POU2F2: variants seen among roughly 807,000 people sequenced by gnomAD.
The protein encoded by POU2F2 is POU class 2 homeobox 2, also known as POU domain, class 2, transcription factor 2.
Under a neutral mutation model 63.5 loss-of-function variants are expected in POU2F2, and 14 were observed. The ratio of observed to expected loss-of-function variants is 0.22; its 90% CI spans 0.15 to 0.34. The LOEUF (loss-of-function observed/expected upper bound fraction) is 0.34. POU2F2 is among the 10% of genes least tolerant of loss of function. The pLI, the probability that POU2F2 is intolerant of heterozygous loss-of-function variation, is 1.00. For synonymous variants in POU2F2, 306 were observed against 348.6 expected, an observed-to-expected ratio of 0.88 and a Z score of 1.36; for missense variants, 607 against 815.2, an observed-to-expected ratio of 0.74 and a Z score of 3.11.
At chr19:42,091,988 C>A in intron 13 of POU2F2, 48 bp from the exon 14 acceptor site, 1 of 1,535,952 alleles carries the variant, frequency 6.5e-7, no homozygotes. Flanking sequence ...GACCTGCCAA[C>A]ATAACTGGGG....
At chr19:42,140,275 A>G (rs935111659) in intron 2 of POU2F2, among the ~76,000 whole-genome samples, 2 of 152,028 alleles carry the variant, frequency 1.3e-5, no homozygotes, top group Non-Finnish European at 2.9e-5. Context: ...TCTAGCTCCC[A>G]CTGGGCGCAG....
intron 5 of POU2F2, among the ~76,000 whole-genome samples, chr19:42,107,362 A>T (rs879868350): frequency 4.4e-4 from 67 of 152,148 alleles, no homozygotes; most frequent in Admixed American, 2.2e-3. Flanking sequence ...CTCAAAAAAA[A>T]TTAATTAATT....
chr19:42,149,897 C>G (rs182995676), intron 2 of POU2F2, among the ~76,000 whole-genome samples: 1 of 152,314 alleles, frequency 6.6e-6, no homozygotes, highest in Admixed American at 6.5e-5. Context: ...GCTCCCGGCC[C>G]TCTCTCTTTT....
chr19:42,110,689 G>A, intron 5 of POU2F2: 1 of 455,718 alleles, frequency 2.2e-6, no homozygotes, highest in Non-Finnish European at 4.4e-6. Flanking sequence ...CACACCTCAG[G>A]CCGTTCCTTA....
In POU2F2 at chr19:42,087,594, AT is replaced by A. The variant is rs1171600840; in HGVS notation, c.*3662del. The A allele has an allele frequency of 0.1, 11,825 of 116,140 alleles. 700 individuals carry two copies. The highest frequency in any genetic ancestry group is 0.18 in the Middle Eastern group (38 of 206). 7.2% of individuals were successfully genotyped at this position (116,140 alleles called of 1,614,324 possible). A position where few individuals can be genotyped will look rare whatever the true frequency, so the allele number is the denominator to read the frequency against. ...AGAGGTGGTTTAGTTACTGGCATCA[AT>A]TTTTTTTTTTTTTTTTTTGGCACAA... is the stretch of plus-strand genomic sequence containing the variant. On this transcript the variant is annotated 3_prime_UTR_variant, in exon 15 of 15. Coordinates refer to ENST00000692977, the MANE Select transcript of POU2F2 (RefSeq NM_001394376.1).
At chr19:42,147,221 C>A (rs1027626480) in intron 2 of POU2F2, among the ~76,000 whole-genome samples, 1 of 152,178 alleles carries the variant, frequency 6.6e-6, no homozygotes, top group Non-Finnish European at 1.5e-5. Flanking sequence ...CCATCACTCA[C>A]CTCTTTGCCT....
At chr19:42,115,193 C>T (rs998361471) in intron 5 of POU2F2, among the ~76,000 whole-genome samples, 14 of 152,006 alleles carry the variant, frequency 9.2e-5, no homozygotes, top group Admixed American at 3.9e-4. Context: ...CGGAGCCATG[C>T]GCCCAGTTTA....
At chr19:42,158,110 G>C (rs2034490671) in intron 2 of POU2F2, among the ~76,000 whole-genome samples, 1 of 152,192 alleles carries the variant, frequency 6.6e-6, no homozygotes, top group Admixed American at 6.5e-5. Flanking sequence ...AAAGAGTATG[G>C]CTTCCTTCAA....
chr19:42,188,134 G>T (rs1050140269), intron 1 of POU2F2, among the ~76,000 whole-genome samples: 2 of 152,104 alleles, frequency 1.3e-5, no homozygotes, highest in African/African-American at 4.8e-5. Context: ...GGAGACCAAG[G>T]CAGGCAGATC....
intron 2 of POU2F2, among the ~76,000 whole-genome samples, chr19:42,151,530 C>T (rs1344678222): frequency 6.6e-6 from 1 of 152,142 alleles, no homozygotes; most frequent in East Asian, 1.9e-4. Flanking sequence ...CCTGCTCTCA[C>T]CCTCTGGATG....
intron 1 of POU2F2, among the ~76,000 whole-genome samples, chr19:42,188,653 G>A (rs1406396437): frequency 7.2e-6 from 1 of 139,358 alleles, no homozygotes; most frequent in African/African-American, 2.7e-5. Flanking sequence ...CCTGGGGGAC[G>A]AGAGAGAGTT....
chr19:42,187,510 C>T (rs2035025828), intron 1 of POU2F2, among the ~76,000 whole-genome samples: 1 of 150,006 alleles, frequency 6.7e-6, no homozygotes, highest in Admixed American at 6.7e-5. Context: ...GCTTGTAATC[C>T]TAGCACTTCG....
In POU2F2 at chr19:42,095,458, T is replaced by C; in HGVS notation, c.1025A>G (p.Gln342Arg). The C allele has an allele frequency of 6.2e-7, 1 of 1,612,588 alleles. No homozygotes were observed. The highest frequency in any genetic ancestry group is 8.5e-7 in the Non-Finnish European group (1 of 1,179,772). The change falls in exon 11 of 15, where the codon CAG (glutamine) becomes CGG (arginine). Residue 342 changes from glutamine to arginine, a missense_variant. By Grantham distance (43) the Gln-to-Arg change is conservative. Coordinates refer to ENST00000692977, the MANE Select transcript of POU2F2 (RefSeq NM_001394376.1). The surrounding 1 kb of genome is among the most constrained non-coding windows in gnomAD (Gnocchi z 7.1). ...CAGGATCTCCTCTGAGGTAGGCTTCTGGTTCTGCAGGCAGAGGGCTCGTTA... is the reference window on the plus strand; with the variant it reads ...CAGGATCTCCTCTGAGGTAGGCTTCCGGTTCTGCAGGCAGAGGGCTCGTTA... Reference protein sequence around the residue: ...FALEKSFLANQKPTSEEILLI... With the variant: ...FALEKSFLANRKPTSEEILLI...
rs752605068 is a variant in POU2F2 at position 42,095,587 on chromosome 19, G to T, written c.978C>A (p.Ile326=). The change falls in exon 10 of 15, where the codon ATC becomes ATA. Residue 326 remains isoleucine, a synonymous_variant. Coordinates refer to ENST00000692977, the MANE Select transcript of POU2F2 (RefSeq NM_001394376.1). This position sits in a 1 kb window ranked among gnomAD's most constrained non-coding sequence, Gnocchi z 7.1. ...PGRRRKKRTS[I]ETNVRFALEK... ...CTAAGGCGAAGCGGACGTTTGTCTC[G>T]ATGCTGGTCCTCTTCTTGCGTCTCC... 3 of 1,611,200 alleles carry T rather than the reference G, an allele frequency of 1.9e-6. No individual in the cohort carries two copies. The highest frequency in any genetic ancestry group is 1.7e-6 in the Non-Finnish European group (2 of 1,178,834).
intron 1 of POU2F2, among the ~76,000 whole-genome samples, chr19:42,175,119 G>C (rs1412802033): frequency 1.3e-5 from 2 of 152,008 alleles, no homozygotes; most frequent in African/African-American, 4.8e-5. Flanking sequence ...GGGCTGAGTC[G>C]ACAGCCATGA....
chr19:42,095,995 G>A lies in POU2F2; in HGVS notation c.730-66C>T. 6.3e-7 allele frequency: 1 copy of A among 1,596,084 alleles called. No individual in the cohort carries two copies. The highest frequency in any genetic ancestry group is 1.1e-5 in the South Asian group (1 of 89,030). On this transcript the variant is annotated intron_variant, in intron 8 of 14. Transcript: ENST00000692977. The surrounding 1 kb of genome is among the most constrained non-coding windows in gnomAD (Gnocchi z 7.1). ...GGCCTTCCGGCACTGGGCCCGCTCC[G>A]CCCGCCCACTGGCCACGCCCCTCGC...
chr19:42,144,046 G>A (rs1418688737), intron 2 of POU2F2, among the ~76,000 whole-genome samples: 1 of 152,170 alleles, frequency 6.6e-6, no homozygotes, highest in Admixed American at 6.5e-5. Context: ...GTCTCATCCT[G>A]TCTTTTAGAA....
chr19:42,123,103 C>A (rs1038011439), intron 1 of POU2F2: 1 of 152,674 alleles, frequency 6.5e-6, no homozygotes, highest in Admixed American at 6.5e-5. Flanking sequence ...ATTCAGCCGC[C>A]CTCTGGCCCT....
chr19:42,119,284 T>TA (rs1435276237), intron 4 of POU2F2, among the ~76,000 whole-genome samples: 2 of 152,216 alleles, frequency 1.3e-5, no homozygotes, highest in Non-Finnish European at 2.9e-5. Context: ...GATCTGGTGC[T>TA]AGTGACATGG....
Sources: gnomAD v4.1 joint callset for allele counts (sites outside exome capture counted in the v4.1 genomes callset) on GRCh38, gnomAD v4.1.1 for gene constraint, Gnocchi (gnomAD v3.1) non-coding constraint, MANE v1.5 for transcripts, NCBI Gene and HGNC (gene_info 2026-07-23, HGNC 2026-07-21) for gene names.